The following ASAP3 variants were observed in gnomAD, a reference collection of about 807,000 sequenced individuals.
ASAP3 encodes ArfGAP with SH3 domain, ankyrin repeat and PH domain 3.
ASAP3 carries 85 observed loss-of-function variants against 118.2 expected under a neutral mutation model. That is an observed-to-expected ratio of 0.72 (90% CI 0.60 to 0.86). ASAP3 has a LOEUF of 0.86. Ranked by LOEUF, ASAP3 falls within the 40% of genes least tolerant of loss-of-function variation. The pLI is 0.00. For missense variants in ASAP3, 1,026 were observed against 1,175.0 expected, an observed-to-expected ratio of 0.87 and a Z score of 1.85; for synonymous variants, 432 against 477.4, an observed-to-expected ratio of 0.90 and a Z score of 1.24.
chr1:23,459,247 A>G (rs1641490714), intron 1 of ASAP3, among the ~76,000 whole-genome samples: 1 of 151,788 alleles, frequency 6.6e-6, no homozygotes, highest in Non-Finnish European at 1.5e-5. Context: ...AGATCCATGT[A>G]CCTAGCACAC....
intron 1 of ASAP3, among the ~76,000 whole-genome samples, chr1:23,467,467 CTA>C (rs1487397151): frequency 6.6e-6 from 1 of 152,200 alleles, no homozygotes; most frequent in East Asian, 1.9e-4. Flanking sequence ...ACCAATTAAA[CTA>C]GAGTTGGCAG....
intron 1 of ASAP3, among the ~76,000 whole-genome samples, chr1:23,474,976 A>G (rs1381267792): frequency 1.3e-5 from 2 of 152,210 alleles, no homozygotes; most frequent in East Asian, 3.9e-4. Flanking sequence ...TTAAATGCAG[A>G]TTCCCAGACA....
chr1:23,480,412 C>A (rs1424733737), intron 1 of ASAP3, among the ~76,000 whole-genome samples: 1 of 152,136 alleles, frequency 6.6e-6, no homozygotes, highest in Non-Finnish European at 1.5e-5. Flanking sequence ...GAATTCACTC[C>A]CTTGTCCTCT....
intron 22 of ASAP3, 113 bp downstream of exon 22, chr1:23,432,964 G>C: frequency 8.3e-7 from 1 of 1,200,154 alleles, no homozygotes; most frequent in Non-Finnish European, 1.2e-6. Context: ...CCCTTCCTGG[G>C]AGGTCATCAT....
rs1406232862 is a variant in ASAP3 at position 23,441,662 on chromosome 1, A to G, written c.740T>C (p.Val247Ala). 3.1e-6 allele frequency: 5 copies of G among 1,614,050 alleles called. No homozygotes were observed. The East Asian group carries it at 6.7e-5, about 22-fold the overall frequency. ...GGGTGAGACCCAACTTACTGCATGTACTGAGGCCGCCAGCTTCTCGATGAA... is the reference window on the plus strand; with the variant it reads ...GGGTGAGACCCAACTTACTGCATGTGCTGAGGCCGCCAGCTTCTCGATGAA... Reference protein sequence around the residue: ...FPFIEKLAASVHALHQAQEDE... With the variant: ...FPFIEKLAASAHALHQAQEDE... The change falls in exon 8 of 25, where the codon GTA becomes GCA. Residue 247 changes from valine to alanine, a missense_variant. By Grantham distance (64) the Val-to-Ala change is moderately conservative (BLOSUM62 0). Transcript: ENST00000336689.
At chr1:23,444,851 C>G (rs1356137917) in intron 5 of ASAP3, among the ~76,000 whole-genome samples, 1 of 152,026 alleles carries the variant, frequency 6.6e-6, no homozygotes, top group Non-Finnish European at 1.5e-5. Context: ...TGGGGGGCTG[C>G]CTGGTGGTTT....
At chr1:23,477,534 C>CT (rs1294345376) in intron 1 of ASAP3, among the ~76,000 whole-genome samples, 1 of 152,074 alleles carries the variant, frequency 6.6e-6, no homozygotes, top group African/African-American at 2.4e-5. Context: ...AGGATCTAGG[C>CT]TACAGGTACA....
At chr1:23,431,949 C>G in intron 22 of ASAP3, 31 bp from the exon 23 acceptor site, 2 of 1,588,684 alleles carry the variant, frequency 1.3e-6, no homozygotes, top group South Asian at 1.1e-5. Context: ...AATGATAAAG[C>G]TTTTCTTTAT....
intron 1 of ASAP3, among the ~76,000 whole-genome samples, chr1:23,474,584 A>T (rs532534018): frequency 1.8e-4 from 27 of 150,604 alleles, no homozygotes; most frequent in East Asian, 7.8e-4. Flanking sequence ...TTATTTATTT[A>T]TTTATTTTTA....
At chr1:23,474,118 C>A (rs1223500457) in intron 1 of ASAP3, among the ~76,000 whole-genome samples, 3 of 151,486 alleles carry the variant, frequency 2.0e-5, no homozygotes, top group African/African-American at 7.3e-5. Context: ...CAGGTGCCTG[C>A]CACCATGGCT....
intron 1 of ASAP3, among the ~76,000 whole-genome samples, chr1:23,481,298 A>G (rs1305884416): frequency 6.6e-6 from 1 of 152,148 alleles, no homozygotes; most frequent in African/African-American, 2.4e-5. Flanking sequence ...CTCCCAGGAA[A>G]CCAGTCAGAA....
At chr1:23,483,651 CG>C (rs1037898152) in intron 1 of ASAP3, among the ~76,000 whole-genome samples, 1 of 152,032 alleles carries the variant, frequency 6.6e-6, no homozygotes, top group Non-Finnish European at 1.5e-5. Flanking sequence ...GGGAGTGACT[CG>C]GGGGGCACAC....
At chr1:23,484,394 C>G (rs936684254), upstream of ASAP3, 11 of 273,578 alleles carry the variant, frequency 4.0e-5, no homozygotes, top group Non-Finnish European at 7.2e-5. Flanking sequence ...GCCGCTTCCC[C>G]GGCCCCTCGC....
intron 10 of ASAP3, 149 bp from the exon 11 acceptor site, chr1:23,439,379 C>A: frequency 1.5e-6 from 1 of 689,360 alleles, no homozygotes; most frequent in Non-Finnish European, 2.5e-6. Flanking sequence ...CCACCCCTGA[C>A]CCCTGACTCT....
Position 23,452,747 on chromosome 1 carries a change from A to C in ASAP3, c.373T>G (p.Ser125Ala), listed in dbSNP as rs766482714. Residue 125 changes from serine to alanine, a missense_variant, in exon 4 of 25, where the codon TCT becomes GCT. Coordinates refer to ENST00000336689, the MANE Select transcript of ASAP3 (RefSeq NM_017707.4). ...TTCATCAGACTGTCCAGGGGGAAAG[A>C]GACAATGTTGTTCAAGTTCTGAATC... ...NLIQNLNNIV[S>A]FPLDSLMKGQ... is the part of the protein sequence containing the mutation. 1.2e-6 allele frequency: 2 copies of C among 1,613,900 alleles called. No individual in the cohort carries two copies. Among genetic ancestry groups the C allele is most frequent in the Non-Finnish European group, 1.7e-6 (2 of 1,180,016 alleles).
Position 23,436,704 on chromosome 1 carries a change from A to T in ASAP3, c.1477-50T>A, listed in dbSNP as rs1640671016. 6.2e-7 allele frequency: 1 copy of T among 1,607,726 alleles called. No homozygotes were observed. The highest frequency in any genetic ancestry group is 1.3e-5 in the African/African-American group (1 of 74,802). On this transcript the variant is annotated intron_variant, in intron 15 of 24. Transcript: ENST00000336689. This position sits in a 1 kb window ranked among gnomAD's most constrained non-coding sequence, Gnocchi z 4.2. Reference sequence around the variant, plus strand: ...GGGGCGGAGTAAGACCGGGCGGTTAAGCCTGCATAGGGTGGAGCTCCAAGC... The same window carrying T: ...GGGGCGGAGTAAGACCGGGCGGTTATGCCTGCATAGGGTGGAGCTCCAAGC...
chr1:23,442,638 G>T, intron 5 of ASAP3, 26 bp from the exon 6 acceptor site: 2 of 1,609,222 alleles, frequency 1.2e-6, no homozygotes, highest in Non-Finnish European at 1.7e-6. Flanking sequence ...AGAGAAGCCT[G>T]AACAAGTCTC....
chr1:23,454,340 C>A (rs189706842), intron 3 of ASAP3, among the ~76,000 whole-genome samples: 1 of 152,168 alleles, frequency 6.6e-6, no homozygotes, highest in Admixed American at 6.5e-5. Flanking sequence ...GCACCTGATA[C>A]CACACCCAAC....
chr1:23,433,268 C>A lies in ASAP3; in HGVS notation c.2132G>T (p.Cys711Phe). The change falls in exon 22 of 25, where the codon TGC (cysteine) becomes TTC (phenylalanine). Residue 711 changes from cysteine (C) to phenylalanine (F), a missense_variant. By Grantham distance (205) the Cys-to-Phe change is radical. Transcript: ENST00000336689. ...AGCCTGGGCCGGGAGCTTCAGCAAG[C>A]AGCGCTGCCAGAGCAAAAGATTGAG... ...DSEEDEEEKR[C>F]LLKLPAQAHW... The A allele has an allele frequency of 6.2e-7, 1 of 1,605,826 alleles. No individual in the cohort carries two copies. The highest frequency in any genetic ancestry group is 1.1e-5 in the South Asian group (1 of 90,472).
Sources: gnomAD v4.1 joint callset for allele counts (sites outside exome capture counted in the v4.1 genomes callset) on GRCh38, gnomAD v4.1.1 for gene constraint, Gnocchi (gnomAD v3.1) non-coding constraint, MANE v1.5 for transcripts, NCBI Gene and HGNC (gene_info 2026-07-23, HGNC 2026-07-21) for gene names.